Variants in PTPRN2 observed in about 807,000 individuals in gnomAD.
PTPRN2 encodes receptor-type tyrosine-protein phosphatase N2.
A neutral mutation model predicts 118.8 loss-of-function variants in PTPRN2; 74 were observed. The ratio of observed to expected loss-of-function variants is 0.62; its 90% confidence interval spans 0.52 to 0.76. The LOEUF is 0.76. Among genes scored for constraint, PTPRN2 ranks in the 30% least tolerant of loss-of-function variants. PTPRN2 has a pLI of 0.00. For synonymous variants in PTPRN2, 641 were observed against 608.0 expected (o/e 1.05, Z -0.80); for missense variants, 1,481 against 1,394.4 (o/e 1.06, Z -0.99).
Position 158,227,302 on chromosome 7 carries a change from AAG to A in PTPRN2, c.278-22031_278-22030del, listed in dbSNP as rs561759596. Among the ~76,000 whole-genome samples, 14 of 152,316 alleles carry A rather than the reference AAG, an allele frequency of 9.2e-5. No homozygotes were observed. In the South Asian group the frequency reaches 1.2e-3, roughly 14 times the overall value. ...AGGTCATGTGCTCAGGAGCCAGGAGAAGAGAGAGCTTCAAGGGTGAGAGAGAG... is the reference window on the plus strand; with the variant it reads ...AGGTCATGTGCTCAGGAGCCAGGAGAAGAGAGCTTCAAGGGTGAGAGAGAG... On this transcript the variant is annotated intron_variant, in intron 3 of 22. Coordinates refer to ENST00000389418, the MANE Select transcript of PTPRN2 (RefSeq NM_002847.5).
rs150594881 is a variant in PTPRN2, at chr7:158,110,908, G to A, written c.1564C>T (p.Arg522Cys). The change falls in exon 10 of 23, where the codon CGC becomes TGC. Residue 522 changes from arginine to cysteine, a missense_variant. Physicochemically the swap from Arg to Cys is radical, Grantham distance 180. Coordinates refer to ENST00000389418, the MANE Select transcript of PTPRN2 (RefSeq NM_002847.5). ...GYIVTDRDPL[R>C]PEEGRRLVED... Reference sequence around the variant, plus strand: ...ACCAGCCGCCTTCCTTCCTCGGGGCGCAGGGGGCTGCGGATGACAGCAGGG... The same window carrying A: ...ACCAGCCGCCTTCCTTCCTCGGGGCACAGGGGGCTGCGGATGACAGCAGGG... The A allele has an allele frequency of 1.4e-4, 226 of 1,561,506 alleles. No homozygotes were observed. Among genetic ancestry groups the A allele is most frequent in the Admixed American group, 9.5e-4 (51 of 53,708 alleles).
intron 11 of PTPRN2, among the ~76,000 whole-genome samples, chr7:157,983,558 C>G (rs1803480037): frequency 6.6e-6 from 1 of 152,188 alleles, no homozygotes; most frequent in African/African-American, 2.4e-5. Flanking sequence ...CCATGACTTT[C>G]AGGGCTGTGG....
intron 11 of PTPRN2, among the ~76,000 whole-genome samples, chr7:157,992,168 G>C (rs1804301983): frequency 6.6e-6 from 1 of 152,230 alleles, no homozygotes; most frequent in African/African-American, 2.4e-5. Context: ...ATGGAAAATT[G>C]TGTATCACTA....
intron 11 of PTPRN2, 49 bp from the exon 12 acceptor site, chr7:157,898,786 A>G: frequency 6.8e-7 from 1 of 1,467,800 alleles, no homozygotes. Flanking sequence ...AGAGGTCCTC[A>G]GTCTCCGGGC....
intron 11 of PTPRN2, among the ~76,000 whole-genome samples, chr7:158,020,595 CAG>C (rs1259267762): frequency 6.6e-6 from 1 of 152,176 alleles, no homozygotes; most frequent in African/African-American, 2.4e-5. Context: ...CAGAAGCAGT[CAG>C]GGGCTGGGGC....
At chr7:158,223,298 G>A (rs557185898) in intron 3 of PTPRN2, among the ~76,000 whole-genome samples, 7 of 152,186 alleles carry the variant, frequency 4.6e-5, no homozygotes, top group South Asian at 2.1e-4. Context: ...AATAGAAGGC[G>A]AGGAAACAGT....
chr7:157,973,194 G>A (rs1048821554), intron 11 of PTPRN2, among the ~76,000 whole-genome samples: 8 of 152,210 alleles, frequency 5.3e-5, no homozygotes, highest in African/African-American at 1.9e-4. Flanking sequence ...GGTTGTGCAG[G>A]GGCCTTCGAG....
At chr7:158,268,572 CGCACACAGGGCGG>C (rs1798059900) in intron 3 of PTPRN2, among the ~76,000 whole-genome samples, 1 of 124,586 alleles carries the variant, frequency 8.0e-6, no homozygotes, top group African/African-American at 3.2e-5. Flanking sequence ...CCCAGCCGCA[CGCACACAGGGCGG>C]GTGTGAAATA....
At chr7:157,641,562 G>T (rs566278764) in intron 14 of PTPRN2, among the ~76,000 whole-genome samples, 1 of 152,166 alleles carries the variant, frequency 6.6e-6, no homozygotes, top group Non-Finnish European at 1.5e-5. Flanking sequence ...GGAAGGGGAA[G>T]CCAGAGTTCA....
rs747109969 is a variant in PTPRN2, at chr7:158,489,842, C to G, written c.113-57G>C. 5 of 1,491,076 alleles carry G rather than the reference C, an allele frequency of 3.4e-6. No individual in the cohort carries two copies. In the East Asian group the frequency reaches 1.2e-4, roughly 37 times the overall value. 92.4% of individuals were successfully genotyped at this position (1,491,076 alleles called of 1,614,324 possible). A position where few individuals can be genotyped will look rare whatever the true frequency, so the allele number is the denominator to read the frequency against. On this transcript the variant is annotated intron_variant, in intron 1 of 22. Coordinates refer to ENST00000389418, the MANE Select transcript of PTPRN2 (RefSeq NM_002847.5). ...CTGGAGGGGAGGAGGGGGGTGCCCC[C>G]GAGGCTGCCTTCCTGGCCCCCTGGT...
intron 4 of PTPRN2, among the ~76,000 whole-genome samples, chr7:158,201,157 C>CCT (rs1175692602): frequency 6.6e-6 from 1 of 151,280 alleles, no homozygotes; most frequent in African/African-American, 2.4e-5. Context: ...CTCAGGTGAT[C>CCT]CTCTCTCTCA....
intron 6 of PTPRN2, 28 bp from the exon 7 acceptor site, chr7:158,138,543 C>G: frequency 1.3e-6 from 2 of 1,594,666 alleles, no homozygotes; most frequent in South Asian, 1.1e-5. Flanking sequence ...AACACAAGGA[C>G]GTTGTGGGTG....
intron 10 of PTPRN2, among the ~76,000 whole-genome samples, chr7:158,098,346 G>A (rs564025859): frequency 6.6e-6 from 1 of 152,356 alleles, no homozygotes; most frequent in East Asian, 1.9e-4. Context: ...CCAGATTCCC[G>A]AAGGCTCCGA....
intron 2 of PTPRN2, among the ~76,000 whole-genome samples, chr7:158,446,204 G>A (rs1817716203): frequency 6.6e-6 from 1 of 152,246 alleles, no homozygotes; most frequent in South Asian, 2.1e-4. Flanking sequence ...CTTAGAGGTT[G>A]AGGGACTGTT....
At chr7:158,219,569 A>T (rs1828196273) in intron 3 of PTPRN2, among the ~76,000 whole-genome samples, 1 of 152,266 alleles carries the variant, frequency 6.6e-6, no homozygotes, top group South Asian at 2.1e-4. Flanking sequence ...AATCAAAATC[A>T]GAGCAGAACT....
chr7:158,116,208 A>G (rs1016540946), intron 9 of PTPRN2, among the ~76,000 whole-genome samples: 1 of 152,264 alleles, frequency 6.6e-6, no homozygotes, highest in Admixed American at 6.5e-5. Flanking sequence ...TTTAAAAATC[A>G]TTAAAATGTA....
chr7:158,113,001 T>C (rs1446739627), intron 9 of PTPRN2, among the ~76,000 whole-genome samples: 2 of 145,152 alleles, frequency 1.4e-5, no homozygotes, highest in Admixed American at 6.8e-5. Context: ...GCATTTAGGA[T>C]CCCCCAGCAT....
intron 11 of PTPRN2, among the ~76,000 whole-genome samples, chr7:158,058,915 A>G (rs374065449): frequency 9.1e-4 from 88 of 97,162 alleles, no homozygotes; most frequent in East Asian, 4.7e-3. Context: ...ATCTGCCCAC[A>G]GTGAGACATC....
At chr7:157,864,340 G>C (rs561488474) in intron 12 of PTPRN2, 1 of 152,342 alleles carries the variant, frequency 6.6e-6, no homozygotes, top group South Asian at 2.1e-4. Flanking sequence ...CCTGGGGACG[G>C]GCTGTATCAG....
Sources: allele counts gnomAD v4.1 joint callset (sites outside exome capture counted in the v4.1 genomes callset), GRCh38; gene constraint gnomAD v4.1.1; transcripts MANE v1.5; gene names NCBI Gene and HGNC (gene_info 2026-07-23, HGNC 2026-07-21).